The following PLCB1 variants were observed in gnomAD, a reference collection of about 807,000 sequenced individuals.
The protein encoded by PLCB1 is 1-phosphatidylinositol 4,5-bisphosphate phosphodiesterase beta-1.
Under a neutral mutation model 161.8 loss-of-function variants are expected in PLCB1, and 46 were observed. That is an observed-to-expected ratio of 0.28 (90% confidence interval 0.22 to 0.36). The LOEUF is 0.36. Among genes scored for constraint, PLCB1 ranks in the 10% least tolerant of loss-of-function variants. PLCB1 has a pLI of 1.00. For missense variants in PLCB1, 1,016 were observed against 1,472.5 expected (o/e 0.69, Z 5.07); for synonymous variants, 517 against 503.7 (o/e 1.03, Z -0.35).
At chr20:8,662,389 ATTAT>A (rs1246688675) in intron 9 of PLCB1, among the ~76,000 whole-genome samples, 5 of 130,232 alleles carry the variant, frequency 3.8e-5, no homozygotes, top group Non-Finnish European at 7.7e-5. Context: ...ATAATATATA[ATTAT>A]TTATTATATA....
chr20:8,712,716 G>A (rs1439633827), intron 12 of PLCB1, among the ~76,000 whole-genome samples: 1 of 151,982 alleles, frequency 6.6e-6, no homozygotes, highest in Non-Finnish European at 1.5e-5. Context: ...AGGGAAAGAG[G>A]TTGGTTTAGT....
At chr20:8,795,821 G>A (rs1600334269) in intron 31 of PLCB1, among the ~76,000 whole-genome samples, 4 of 150,854 alleles carry the variant, frequency 2.7e-5, no homozygotes, top group African/African-American at 9.8e-5. Context: ...GTTGCAGTGA[G>A]CCGAGATCGC....
At chr20:8,371,332 G>A in intron 2 of PLCB1, 50 bp from the exon 3 acceptor site, 1 of 1,261,352 alleles carries the variant, frequency 7.9e-7, no homozygotes, top group Non-Finnish European at 1.1e-6. Flanking sequence ...ATAAAACAAA[G>A]AGGAAAGGTC....
chr20:8,231,977 G>A (rs942810047), intron 2 of PLCB1, among the ~76,000 whole-genome samples: 1 of 152,146 alleles, frequency 6.6e-6, no homozygotes, highest in African/African-American at 2.4e-5. Context: ...CTATGGGTCA[G>A]AGTCGCCAAT....
intron 31 of PLCB1, among the ~76,000 whole-genome samples, chr20:8,840,559 G>A (rs1157034987): frequency 6.6e-6 from 1 of 152,200 alleles, no homozygotes; most frequent in East Asian, 1.9e-4. Flanking sequence ...AATGGTCTCA[G>A]AACAAGCTGT....
rs397786544 is a variant in PLCB1, at chr20:8,196,664, A to ATATATATATATAT, written c.177+46293_177+46294insTATATATATATAT. ...GCTCCTTTTCTTTATATATATATAT[A>ATATATATATATAT]AAATATATATATTTTTAATTATACT... On this transcript the variant is annotated intron_variant, in intron 2 of 31. Transcript: ENST00000338037. 4.9e-3 allele frequency among the ~76,000 whole-genome samples: 737 copies of ATATATATATATAT among 149,594 alleles called. 5 individuals are homozygous for ATATATATATATAT. Among genetic ancestry groups the ATATATATATATAT allele is most frequent in the African/African-American group, 0.017 (690 of 40,900 alleles).
chr20:8,163,743 G>A (rs141195742), intron 2 of PLCB1, among the ~76,000 whole-genome samples: 2 of 152,182 alleles, frequency 1.3e-5, no homozygotes, highest in Non-Finnish European at 2.9e-5. Flanking sequence ...GCCTGCTTTA[G>A]ACAGGGTGTG....
At chr20:8,337,160 G>A (rs1362869053) in intron 2 of PLCB1, among the ~76,000 whole-genome samples, 2 of 152,164 alleles carry the variant, frequency 1.3e-5, no homozygotes, top group Non-Finnish European at 2.9e-5. Context: ...ATTGCTTTAA[G>A]GGGTTTGTTT....
intron 3 of PLCB1, among the ~76,000 whole-genome samples, chr20:8,578,810 C>A (rs893903118): frequency 6.6e-6 from 1 of 152,152 alleles, no homozygotes; most frequent in African/African-American, 2.4e-5. Flanking sequence ...AGCAATAATT[C>A]AAACTCTACG....
At chr20:8,645,090 G>A (rs1054483971) in intron 4 of PLCB1, among the ~76,000 whole-genome samples, 39 of 152,108 alleles carry the variant, frequency 2.6e-4, no homozygotes, top group African/African-American at 8.7e-4. Flanking sequence ...GGTGCAAGAT[G>A]TGCTTTGTTA....
chr20:8,421,587 A>G (rs1166749315), intron 3 of PLCB1, among the ~76,000 whole-genome samples: 1 of 152,168 alleles, frequency 6.6e-6, no homozygotes, highest in Non-Finnish European at 1.5e-5. Context: ...TATCATGTTA[A>G]AGACTTTAAG....
intron 3 of PLCB1, among the ~76,000 whole-genome samples, chr20:8,407,032 A>G (rs753167981): frequency 2.0e-5 from 3 of 152,210 alleles, no homozygotes; most frequent in Non-Finnish European, 4.4e-5. Flanking sequence ...GTAACTTCTG[A>G]GGCTACACAG....
chr20:8,296,509 T>C (rs1983638938), intron 2 of PLCB1, among the ~76,000 whole-genome samples: 1 of 152,174 alleles, frequency 6.6e-6, no homozygotes, highest in African/African-American at 2.4e-5. Flanking sequence ...GCCTAGGCAA[T>C]GTCTTTTAGG....
chr20:8,596,887 G>A (rs1282331198), intron 3 of PLCB1, among the ~76,000 whole-genome samples: 3 of 152,256 alleles, frequency 2.0e-5, no homozygotes, highest in Non-Finnish European at 4.4e-5. Context: ...GTTCACTCAT[G>A]ATTTGGCTCT....
At position 8,562,101 on chromosome 20, in the gene PLCB1, G is replaced by C. The variant is rs113323983; in HGVS notation, c.247-66193G>C. Reference sequence around the variant, plus strand: ...CTCATAGCTTAGCCAAAGTCTTTCAGAGCTGAGTACGGAGGGGCTGCCTCA... The same window carrying C: ...CTCATAGCTTAGCCAAAGTCTTTCACAGCTGAGTACGGAGGGGCTGCCTCA... On this transcript the variant is annotated intron_variant, in intron 3 of 31. Coordinates refer to ENST00000338037, the MANE Select transcript of PLCB1 (RefSeq NM_015192.4). Among the ~76,000 whole-genome samples the C allele has an allele frequency of 3.9e-3, 597 of 152,138 alleles. 3 individuals are homozygous for C. Among genetic ancestry groups the C allele is most frequent in the African/African-American group, 0.013 (553 of 41,526 alleles).
intron 12 of PLCB1, among the ~76,000 whole-genome samples, chr20:8,715,258 G>A (rs1411792075): frequency 6.6e-6 from 1 of 152,210 alleles, no homozygotes; most frequent in African/African-American, 2.4e-5. Context: ...CTTTTTGAAA[G>A]GTCAAGGGAA....
At chr20:8,198,428 C>G (rs1050792099) in intron 2 of PLCB1, among the ~76,000 whole-genome samples, 1 of 152,002 alleles carries the variant, frequency 6.6e-6, no homozygotes, top group African/African-American at 2.4e-5. Context: ...CTTCTCCATT[C>G]AAGGTTGCAG....
intron 31 of PLCB1, among the ~76,000 whole-genome samples, chr20:8,793,775 C>T (rs1045343140): frequency 6.6e-6 from 1 of 152,136 alleles, no homozygotes; most frequent in African/African-American, 2.4e-5. Context: ...TATCAGTAGA[C>T]AGCGTTTTGA....
At chr20:8,649,269 A>G in intron 6 of PLCB1, 105 bp from the exon 7 acceptor site, 1 of 701,012 alleles carries the variant, frequency 1.4e-6, no homozygotes. Context: ...AATATGAATA[A>G]TAAATAGATT....
Sources: allele counts gnomAD v4.1 joint callset (sites outside exome capture counted in the v4.1 genomes callset), GRCh38; gene constraint gnomAD v4.1.1; transcripts MANE v1.5; gene names NCBI Gene and HGNC (gene_info 2026-07-23, HGNC 2026-07-21).